MCM8: variants seen among roughly 807,000 people sequenced by gnomAD.
MCM8 encodes the protein minichromosome maintenance 8 homologous recombination repair factor, also known as DNA helicase MCM8.
MCM8 carries 85 observed loss-of-function variants against 98.9 expected under a neutral mutation model. The observed-to-expected ratio is 0.86, with a 90% CI of 0.72 to 1.03. The LOEUF (loss-of-function observed/expected upper bound fraction) is 1.03, where lower values mean the gene tolerates loss of function less well. Ranked by LOEUF, MCM8 falls within the 50% of genes least tolerant of loss-of-function variation. MCM8 has a pLI of 0.00. For missense variants in MCM8, 951 were observed against 997.8 expected (o/e 0.95, Z 0.63); for synonymous variants, 352 against 338.6 (o/e 1.04, Z -0.44).
At chr20:5,973,513 A>G (rs2122748384) in intron 12 of MCM8, among the ~76,000 whole-genome samples, 1 of 152,342 alleles carries the variant, frequency 6.6e-6, no homozygotes, top group South Asian at 2.1e-4. Context: ...TCACCTATGA[A>G]CAGAATAGTT....
Position 5,958,534 on chromosome 20 carries a change from C to T in MCM8, c.597C>T (p.Tyr199=). 1 of 1,613,490 alleles carries T rather than the reference C, an allele frequency of 6.2e-7. No homozygotes were observed. The highest frequency in any genetic ancestry group is 8.5e-7 in the Non-Finnish European group (1 of 1,179,616). The change falls in exon 7 of 19, where the codon TAC becomes TAT. Residue 199 remains tyrosine (Y), a synonymous_variant. Transcript: ENST00000610722. ...CTTCCTGTTTTGTCTTTAGGGTGTACAACTATGAGCCTTTGACACAGCTCA... is the reference window on the plus strand; with the variant it reads ...CTTCCTGTTTTGTCTTTAGGGTGTATAACTATGAGCCTTTGACACAGCTCA... The part of the protein sequence containing the change: ...VNVPHIHARV[Y]NYEPLTQLKN...
At chr20:5,967,322 A>T in intron 8 of MCM8, 114 bp from the exon 9 acceptor site, 2 of 837,380 alleles carry the variant, frequency 2.4e-6, no homozygotes, top group Non-Finnish European at 3.6e-6. Flanking sequence ...TTAAACTGTT[A>T]ATAAGCAAAT....
At chr20:5,984,746 C>T in intron 14 of MCM8, 35 bp from the exon 15 acceptor site, 1 of 1,527,208 alleles carries the variant, frequency 6.5e-7, no homozygotes, top group Non-Finnish European at 9.0e-7. Flanking sequence ...CTTTTGATTC[C>T]AATCATTGTT....
intron 17 of MCM8, chr20:5,990,988 A>G (rs1056768065): frequency 6.6e-6 from 1 of 152,244 alleles, no homozygotes; most frequent in South Asian, 2.1e-4. Context: ...GCTCTCCTGA[A>G]TGTCATGTTT....
At chr20:5,953,672 A>T (rs12479790) in intron 3 of MCM8, among the ~76,000 whole-genome samples, 1 of 151,830 alleles carries the variant, frequency 6.6e-6, no homozygotes, top group Non-Finnish European at 1.5e-5. Flanking sequence ...ACGGGGTTTC[A>T]CCGTGTTAGC....
chr20:5,969,736 TG>T (rs1440565183), intron 10 of MCM8, among the ~76,000 whole-genome samples: 1 of 152,206 alleles, frequency 6.6e-6, no homozygotes, highest in African/African-American at 2.4e-5. Context: ...AGGGGTTTTT[TG>T]TCCTTAAATC....
intron 17 of MCM8, among the ~76,000 whole-genome samples, chr20:5,988,119 A>T (rs538677979): frequency 6.6e-6 from 1 of 152,196 alleles, no homozygotes; most frequent in East Asian, 1.9e-4. Flanking sequence ...CAGATAAAAA[A>T]ATTTTTTTAA....
At position 5,967,441 on chromosome 20, in the gene MCM8, AG is replaced by A; in HGVS notation, c.883del (p.Glu295AsnfsTer2). The A allele has an allele frequency of 6.2e-7, 1 of 1,612,618 alleles. No homozygotes were observed. Among genetic ancestry groups the A allele is most frequent in the Non-Finnish European group, 8.5e-7 (1 of 1,179,282 alleles). On this transcript the variant is annotated frameshift_variant, in exon 9 of 19. Transcript: ENST00000610722. LOFTEE classifies it high-confidence loss of function. ...AAACTATTTAAACTTTTTAGAATCC[AG>A]GAATTGATGTCTGATGATCAGAGAG... Reference protein sequence around the residue: ...VTMDWQSIKIQELMSDDQREA... With the variant: ...VTMDWQSIKIXELMSDDQREA...
At chr20:5,993,464 G>T in intron 17 of MCM8, 42 bp from the exon 18 acceptor site, 4 of 1,416,482 alleles carry the variant, frequency 2.8e-6, no homozygotes, top group Non-Finnish European at 2.8e-6. Context: ...AATTTCTATG[G>T]CAGTGCTACA....
chr20:5,955,030 A>T, intron 4 of MCM8, 72 bp from the exon 5 acceptor site: 2 of 1,052,288 alleles, frequency 1.9e-6, no homozygotes, highest in Non-Finnish European at 2.8e-6. Context: ...CAAAGTCTAT[A>T]ATAGAATGCT....
intron 13 of MCM8, among the ~76,000 whole-genome samples, chr20:5,980,183 C>T (rs1037097087): frequency 1.4e-4 from 21 of 152,170 alleles, no homozygotes; most frequent in African/African-American, 5.1e-4. Context: ...TCCCCTGCCC[C>T]TGCTGCACCT....
At chr20:5,972,712 A>G (rs1015239297) in intron 11 of MCM8, 3 of 1,293,328 alleles carry the variant, frequency 2.3e-6, no homozygotes, top group Non-Finnish European at 3.0e-6. Context: ...GCGCCACCAG[A>G]CCCAGCTACT....
intron 7 of MCM8, among the ~76,000 whole-genome samples, chr20:5,959,563 C>T (rs1177367123): frequency 1.3e-5 from 2 of 152,050 alleles, no homozygotes; most frequent in Non-Finnish European, 2.9e-5. Context: ...TAAATAGCCA[C>T]AATTTATCCA....
intron 3 of MCM8, 22 bp downstream of exon 3, chr20:5,952,550 A>G: frequency 1.3e-6 from 2 of 1,577,882 alleles, no homozygotes; most frequent in South Asian, 2.3e-5. Context: ...AAAGTACAAA[A>G]AAGCACCATA....
At chr20:5,953,438 G>GGTGTGTGTGTGTGTGTGTGTGT (rs11470045) in intron 3 of MCM8, among the ~76,000 whole-genome samples, 4 of 146,190 alleles carry the variant, frequency 2.7e-5, no homozygotes, top group African/African-American at 1.0e-4. Context: ...TCTCATGAGG[G>GGTGTGTGTGTGTGTGTGTGTGT]GTGTGTGTGT....
intron 8 of MCM8, chr20:5,965,627 T>TAGCTCA (rs1253192208): frequency 6.6e-6 from 1 of 152,226 alleles, no homozygotes; most frequent in Non-Finnish European, 1.5e-5. Flanking sequence ...ACCCCTTAAA[T>TAGCTCA]GAAAATGACT....
In MCM8 at chr20:5,973,070, T is replaced by C. The variant is rs1212625935; in HGVS notation, c.1269T>C (p.Gly423=). ...VIFGHELVKA[G]LALALFGGSQ... ...TCGCACTTGAGCTTGTTAAAGCAGG[T>C]TTGGCATTAGCACTCTTTGGAGGAA... Residue 423 remains glycine (G), a synonymous_variant, in exon 12 of 19, where the codon GGT becomes GGC. Coordinates refer to ENST00000610722, the MANE Select transcript of MCM8 (RefSeq NM_032485.6). The C allele has an allele frequency of 2.5e-6, 4 of 1,614,052 alleles. No homozygotes were observed. The highest frequency in any genetic ancestry group is 3.4e-6 in the Non-Finnish European group (4 of 1,179,992).
intron 8 of MCM8, among the ~76,000 whole-genome samples, chr20:5,965,748 C>T (rs1018357882): frequency 4.6e-5 from 7 of 152,006 alleles, no homozygotes; most frequent in Admixed American, 2.0e-4. Flanking sequence ...TTTATTTTTC[C>T]TAAGGTTTCT....
intron 10 of MCM8, among the ~76,000 whole-genome samples, chr20:5,971,319 A>AT (rs1462936484): frequency 6.6e-6 from 1 of 152,252 alleles, no homozygotes; most frequent in Non-Finnish European, 1.5e-5. Context: ...GAAACCTGTT[A>AT]GCCAAAGCTT....
Sources: gnomAD v4.1 joint callset for allele counts (sites outside exome capture counted in the v4.1 genomes callset) on GRCh38, gnomAD v4.1.1 for gene constraint, MANE v1.5 for transcripts, NCBI Gene and HGNC (gene_info 2026-07-23, HGNC 2026-07-21) for gene names.